The following JAKMIP3 variants were observed in gnomAD, a reference collection of about 807,000 sequenced individuals.
The protein encoded by JAKMIP3 is Janus kinase and microtubule interacting protein 3.
JAKMIP3 carries 58 observed loss-of-function variants against 118.5 expected under a neutral mutation model. The observed-to-expected ratio is 0.49, with a 90% confidence interval of 0.40 to 0.61. The LOEUF (loss-of-function observed/expected upper bound fraction) is 0.61, where lower values mean the gene tolerates loss of function less well. JAKMIP3 is among the 20% of genes least tolerant of loss of function. The pLI is 0.00. For synonymous variants in JAKMIP3, 486 were observed against 451.2 expected (o/e 1.08, Z -0.98); for missense variants, 950 against 1,109.0 (o/e 0.86, Z 2.04).
intron 3 of JAKMIP3, among the ~76,000 whole-genome samples, chr10:132,122,950 C>T (rs2048808807): frequency 6.6e-6 from 1 of 152,212 alleles, no homozygotes; most frequent in African/African-American, 2.4e-5. Flanking sequence ...GGCCCATCAT[C>T]TTCAGGCCCC....
At chr10:132,157,739 T>G (rs181860063) in intron 19 of JAKMIP3, among the ~76,000 whole-genome samples, 52 of 152,312 alleles carry the variant, frequency 3.4e-4, no homozygotes, top group African/African-American at 1.2e-3. Context: ...TGGTCAGAGC[T>G]CTTGATAAAA....
rs549316813 is a variant in JAKMIP3 at position 132,041,058 on chromosome 10, TTTTC to T, written c.-138+4328_-138+4331del. Among the ~76,000 whole-genome samples the T allele has an allele frequency of 2.4e-3, 367 of 152,200 alleles. 1 individual carries two copies. Among genetic ancestry groups the T allele is most frequent in the African/African-American group, 8.6e-3 (358 of 41,536 alleles). ...GCATTCGTCAGATGTGCACACCACATTTTCTTTCTTTTTGAGATGGAGTCTTGCT... is the reference window on the plus strand; with the variant it reads ...GCATTCGTCAGATGTGCACACCACATTTTCTTTTTGAGATGGAGTCTTGCT... On this transcript the variant is annotated intron_variant, in intron 1 of 23. Transcript: ENST00000657785.
intron 21 of JAKMIP3, among the ~76,000 whole-genome samples, chr10:132,165,695 C>T (rs1285023161): frequency 2.6e-5 from 4 of 152,218 alleles, no homozygotes; most frequent in Non-Finnish European, 2.9e-5. Context: ...GGACAGCAGT[C>T]GCCTTAGACG....
At chr10:132,115,551 G>C (rs1414374631) in intron 2 of JAKMIP3, among the ~76,000 whole-genome samples, 1 of 152,210 alleles carries the variant, frequency 6.6e-6, no homozygotes, top group African/African-American at 2.4e-5. Flanking sequence ...ATGTTGACCT[G>C]TGACTCGGTG....
rs201838731 is a variant in JAKMIP3, at chr10:132,080,503, A to ATTTTTTT, written c.-138+14472_-138+14478dup. On this transcript the variant is annotated intron_variant, in intron 1 of 23. Coordinates refer to ENST00000684848, the MANE Select transcript of JAKMIP3 (RefSeq NM_001323087.2). ...TATTTTCTTGCTGTCAAGTTATAGG[A>ATTTTTTT]TTTTTTTTTTTTTTTTTTTTTTTTT... 2.4e-4 allele frequency among the ~76,000 whole-genome samples: 15 copies of ATTTTTTT among 61,580 alleles called. 2 individuals are homozygous for ATTTTTTT. Among genetic ancestry groups the ATTTTTTT allele is most frequent in the African/African-American group, 9.8e-4 (14 of 14,266 alleles). The allele number at this position is 61,580 out of a possible 152,430, so 40.4% of individuals were successfully genotyped here.
At chr10:132,170,750 G>T (rs1005425395) in intron 23 of JAKMIP3, among the ~76,000 whole-genome samples, 1 of 152,186 alleles carries the variant, frequency 6.6e-6, no homozygotes, top group Non-Finnish European at 1.5e-5. Flanking sequence ...TCGGCATGGC[G>T]GGGACAGAGG....
intron 21 of JAKMIP3, 131 bp downstream of exon 21, chr10:132,164,866 GGCCGCCTGGAGGCCTGAAGGCTGGGCGGA>G: frequency 4.5e-6 from 3 of 670,328 alleles, no homozygotes; most frequent in African/African-American, 1.8e-5. Context: ...AGCGGGAAGC[GGCCGCCTGGAGGCCTGAAGGCTGGGCGGA>G]GCTGAGCTGG....
chr10:132,078,394 GCCTCT>G (rs570200584), intron 1 of JAKMIP3, among the ~76,000 whole-genome samples: 129 of 152,060 alleles, frequency 8.5e-4, no homozygotes, highest in African/African-American at 3.0e-3. Flanking sequence ...GCCTAGAAAG[GCCTCT>G]CCTCTCCAGA....
intron 3 of JAKMIP3, among the ~76,000 whole-genome samples, chr10:132,129,717 C>G (rs1013518687): frequency 6.6e-6 from 1 of 152,088 alleles, no homozygotes; most frequent in Admixed American, 6.6e-5. Context: ...GCTGTGTGTC[C>G]GGGGCCCTGT....
intron 1 of JAKMIP3, among the ~76,000 whole-genome samples, chr10:132,055,233 A>C (rs2038207320): frequency 6.6e-6 from 1 of 152,196 alleles, no homozygotes; most frequent in African/African-American, 2.4e-5. Flanking sequence ...ACAAATTGCT[A>C]TCAATAGAAC....
Position 132,118,871 on chromosome 10 carries a change from A to G in JAKMIP3, c.633+1297A>G, listed in dbSNP as rs541612038. Among the ~76,000 whole-genome samples, 54 of 152,198 alleles carry G rather than the reference A, an allele frequency of 3.5e-4. No individual in the cohort carries two copies. The highest frequency in any genetic ancestry group is 1.0e-3 in the African/African-American group (43 of 41,514). On this transcript the variant is annotated intron_variant, in intron 3 of 23. Transcript: ENST00000684848. The surrounding 1 kb of genome is among the most constrained non-coding windows in gnomAD (Gnocchi z 4.8). ...ACGATGCTTGCTTTTCTGTGCGGGG[A>G]AGGAAGGAAGCGTTGCCACTGTCCC...
At chr10:132,172,390 G>A (rs77827890) in intron 23 of JAKMIP3, among the ~76,000 whole-genome samples, 6 of 152,010 alleles carry the variant, frequency 3.9e-5, no homozygotes, top group African/African-American at 1.2e-4. Context: ...TAATCTATGC[G>A]TGTACTGGGG....
intron 16 of JAKMIP3, 69 bp downstream of exon 16, chr10:132,150,110 C>T: frequency 7.7e-6 from 10 of 1,305,560 alleles, no homozygotes; most frequent in Non-Finnish European, 1.1e-5. Flanking sequence ...CTCTGGGGTC[C>T]AGGAGGCCCT....
chr10:132,177,643 G>T (rs1228816038), intron 23 of JAKMIP3, among the ~76,000 whole-genome samples: 1 of 149,214 alleles, frequency 6.7e-6, no homozygotes, highest in Non-Finnish European at 1.5e-5. Flanking sequence ...ACTTGCTCCT[G>T]TGTCCTGGGT....
In JAKMIP3 at chr10:132,183,719, ATTG is replaced by A. The variant is rs1383890860; in HGVS notation, c.*2469_*2471del. On this transcript the variant is annotated 3_prime_UTR_variant, in exon 24 of 24. Transcript: ENST00000684848. The stretch of plus-strand genomic sequence containing the variant: ...GCGTCAGTTCCTCTCCTTAGATATC[ATTG>A]TTTTCACTCGTCTATCATAGGCACC... 4.6e-5 allele frequency: 7 copies of A among 152,268 alleles called. No homozygotes were observed. The highest frequency in any genetic ancestry group is 1.0e-4 in the Non-Finnish European group (7 of 68,026). 9.4% of individuals were successfully genotyped at this position (152,268 alleles called of 1,614,324 possible). A position where few individuals can be genotyped will look rare whatever the true frequency, so the allele number is the denominator to read the frequency against.
Position 132,179,578 on chromosome 10 carries a change from A to G in JAKMIP3, c.*1104-2779A>G, listed in dbSNP as rs572089500. ...CTCCCTGAAGGCAATTCGCAGCCCC[A>G]TGTTCCCCCCACCCCCCACACTTCC... is the stretch of plus-strand genomic sequence containing the variant. On this transcript the variant is annotated intron_variant, in intron 23 of 23. Coordinates refer to ENST00000684848, the MANE Select transcript of JAKMIP3 (RefSeq NM_001323087.2). This position sits in a 1 kb window ranked among gnomAD's most constrained non-coding sequence, Gnocchi z 4.3. Among the ~76,000 whole-genome samples the G allele has an allele frequency of 2.0e-5, 3 of 151,958 alleles. No individual in the cohort carries two copies. In the East Asian group the frequency reaches 5.8e-4, roughly 29 times the overall value.
intron 1 of JAKMIP3, among the ~76,000 whole-genome samples, chr10:132,043,975 G>A (rs903280950): frequency 2.0e-5 from 3 of 152,244 alleles, no homozygotes; most frequent in African/African-American, 7.2e-5. Flanking sequence ...GCCTGCGTTT[G>A]ATCCCAGCAT....
At chr10:132,074,046 A>G (rs2040396845) in intron 1 of JAKMIP3, among the ~76,000 whole-genome samples, 1 of 151,608 alleles carries the variant, frequency 6.6e-6, no homozygotes, top group South Asian at 2.1e-4. Flanking sequence ...CTATTTTTTG[A>G]CTTTTGTTTT....
chr10:132,127,598 G>A (rs1465099025), intron 3 of JAKMIP3, among the ~76,000 whole-genome samples: 2 of 152,058 alleles, frequency 1.3e-5, no homozygotes, highest in African/African-American at 2.4e-5. Flanking sequence ...TCCATTCACT[G>A]TCTCCTGTTT....
Sources: gnomAD v4.1 joint callset for allele counts (sites outside exome capture counted in the v4.1 genomes callset) on GRCh38, gnomAD v4.1.1 for gene constraint, Gnocchi (gnomAD v3.1) non-coding constraint, MANE v1.5 for transcripts, NCBI Gene and HGNC (gene_info 2026-07-23, HGNC 2026-07-21) for gene names.